The following NUDT9 variants were observed in gnomAD, a reference collection of about 807,000 sequenced individuals.
The protein encoded by NUDT9 is ADP-ribose pyrophosphatase.
In NUDT9, 31 loss-of-function variants were observed where a neutral mutation model predicts 41.0. The ratio of observed to expected loss-of-function variants is 0.76; its 90% CI spans 0.57 to 1.02. The LOEUF is 1.02. Ranked by LOEUF, NUDT9 falls within the 50% of genes least tolerant of loss-of-function variation. The probability of loss-of-function intolerance (pLI) is 0.00; values close to 1 mark genes in which losing one functional copy is unlikely to be tolerated. For synonymous variants in NUDT9, 146 were observed against 147.6 expected (o/e 0.99, Z 0.08); for missense variants, 380 against 431.4 (o/e 0.88, Z 1.06).
intron 5 of NUDT9, among the ~76,000 whole-genome samples, chr4:87,450,524 G>A (rs182418050): frequency 3.8e-4 from 57 of 151,174 alleles, no homozygotes; most frequent in Admixed American, 4.6e-4. Flanking sequence ...GATTATAGGC[G>A]ACCACCACCA....
chr4:87,429,780 C>T (rs932969660), intron 1 of NUDT9, among the ~76,000 whole-genome samples: 1 of 147,598 alleles, frequency 6.8e-6, no homozygotes, highest in Non-Finnish European at 1.5e-5. Context: ...CTTTCCTTTT[C>T]GTTCTCCTTC....
At position 87,422,791 on chromosome 4, in the gene NUDT9, C is replaced by A; in HGVS notation, c.-115C>A. On this transcript the variant is annotated 5_prime_UTR_variant, in exon 1 of 8. Transcript: ENST00000302174. ...TCCCGTTCGGGAACCCAACGGCAGACAGGTCCTAGTGCCCATCAGATACCC... is the reference window on the plus strand; with the variant it reads ...TCCCGTTCGGGAACCCAACGGCAGAAAGGTCCTAGTGCCCATCAGATACCC... 1 of 685,830 alleles carries A rather than the reference C, an allele frequency of 1.5e-6. No homozygotes were observed. Among genetic ancestry groups the A allele is most frequent in the Non-Finnish European group, 2.5e-6 (1 of 403,618 alleles). The allele number at this position is 685,830 out of a possible 1,614,324, so 42.5% of individuals were successfully genotyped here. A position where few individuals can be genotyped will look rare whatever the true frequency, so the allele number is the denominator to read the frequency against.
chr4:87,454,401 AAC>A lies in NUDT9; in HGVS notation c.823_824del (p.Thr275Ter). Reference sequence around the variant, plus strand: ...TAAGGGATATGTTGATGATCCTCGAAACACTGATAATGCATGGATGGAGACAG... The same window carrying A: ...TAAGGGATATGTTGATGATCCTCGAAACTGATAATGCATGGATGGAGACAG... ...IYKGYVDDPR[N>X]TDNAWMETEA... On this transcript the variant is annotated frameshift_variant, in exon 7 of 8. Transcript: ENST00000302174. LOFTEE classifies it high-confidence loss of function. 6.2e-7 allele frequency: 1 copy of A among 1,612,522 alleles called. No individual in the cohort carries two copies.
intron 4 of NUDT9, among the ~76,000 whole-genome samples, chr4:87,442,936 A>T (rs550867527): frequency 6.6e-6 from 1 of 152,206 alleles, no homozygotes; most frequent in Non-Finnish European, 1.5e-5. Flanking sequence ...AACTTTTTTT[A>T]TAAGTAGAAG....
chr4:87,422,918 C>G lies in NUDT9; in HGVS notation c.13C>G (p.Leu5Val). The change falls in exon 1 of 8, where the codon CTC becomes GTC. Residue 5 changes from leucine (L) to valine (V), a missense_variant. Physicochemically the swap from Leu to Val is conservative, Grantham distance 32 (BLOSUM62 1). Transcript: ENST00000302174. The stretch of plus-strand genomic sequence containing the variant: ...CCTCGGGGCGCTCATGGCGGGACGC[C>G]TCCTGGGAAAGGCTTTAGCCGCGGT... MAGR[L>V]LGKALAAVSL... 1 of 1,610,972 alleles carries G rather than the reference C, an allele frequency of 6.2e-7. No homozygotes were observed. The highest frequency in any genetic ancestry group is 8.5e-7 in the Non-Finnish European group (1 of 1,179,676).
rs1363767366 is a variant in NUDT9 at position 87,441,821 on chromosome 4, T to C, written c.444-8T>C. 1 of 1,611,526 alleles carries C rather than the reference T, an allele frequency of 6.2e-7. No individual in the cohort carries two copies. Among genetic ancestry groups the C allele is most frequent in the Non-Finnish European group, 8.5e-7 (1 of 1,178,604 alleles). ...TCAATTGATTTTATGCTTTTTTTGT[T>C]TTTCCAGAAATCCTGCAGGACGGAC... On this transcript the variant is annotated splice_polypyrimidine_tract_variant and splice_region_variant and intron_variant, in intron 3 of 7. Transcript: ENST00000302174.
chr4:87,436,410 A>G (rs1721937815), intron 2 of NUDT9, among the ~76,000 whole-genome samples: 1 of 152,174 alleles, frequency 6.6e-6, no homozygotes. Flanking sequence ...TCCTGGGCTC[A>G]AGTGATCCTC....
chr4:87,453,611 G>C (rs148332014), intron 6 of NUDT9, among the ~76,000 whole-genome samples: 1 of 151,724 alleles, frequency 6.6e-6, no homozygotes, highest in Non-Finnish European at 1.5e-5. Flanking sequence ...TGTGTTTTTA[G>C]TAGAGACGAG....
intron 3 of NUDT9, among the ~76,000 whole-genome samples, chr4:87,440,119 T>C (rs1406141561): frequency 1.3e-5 from 2 of 152,196 alleles, no homozygotes; most frequent in Admixed American, 6.5e-5. Flanking sequence ...TAGATACAAT[T>C]ATAAAAATAT....
intron 1 of NUDT9, among the ~76,000 whole-genome samples, chr4:87,428,131 C>T (rs1373050036): frequency 6.6e-6 from 1 of 152,144 alleles, no homozygotes; most frequent in Admixed American, 6.5e-5. Flanking sequence ...ATATTAACTT[C>T]TTTATTAGTT....
chr4:87,434,921 G>C, intron 1 of NUDT9, 60 bp from the exon 2 acceptor site: 1 of 1,477,356 alleles, frequency 6.8e-7, no homozygotes, highest in Non-Finnish European at 9.2e-7. Flanking sequence ...ACCCGGCCTA[G>C]GTTCTTTAAT....
chr4:87,437,106 T>A (rs1721969703), intron 2 of NUDT9, among the ~76,000 whole-genome samples: 1 of 151,688 alleles, frequency 6.6e-6, no homozygotes, highest in African/African-American at 2.4e-5. Flanking sequence ...AAAAATTAGC[T>A]GGGTATAGTG....
rs1560792110 is a variant in NUDT9, at chr4:87,438,320, G to GT, written c.393dup (p.Glu132Ter). On this transcript the variant is annotated frameshift_variant, in exon 3 of 8. Coordinates refer to ENST00000302174, the MANE Select transcript of NUDT9 (RefSeq NM_024047.5). LOFTEE classifies it high-confidence loss of function. Reference sequence around the variant, plus strand: ...CAAGTTTAACGAAAAGGATGGGCATGTTGAGAGAAAGAGCAAGAATGGCCT... The same window carrying GT: ...CAAGTTTAACGAAAAGGATGGGCATGTTTGAGAGAAAGAGCAAGAATGGCCT... 1.2e-6 allele frequency: 2 copies of GT among 1,611,850 alleles called. No homozygotes were observed. The highest frequency in any genetic ancestry group is 1.7e-5 in the Admixed American group (1 of 59,988).
intron 4 of NUDT9, among the ~76,000 whole-genome samples, chr4:87,446,526 C>T (rs773090660): frequency 6.6e-6 from 1 of 152,122 alleles, no homozygotes; most frequent in East Asian, 1.9e-4. Context: ...GGCCACTGCT[C>T]CTGGCCGTCT....
chr4:87,425,949 G>T (rs1039988360), intron 1 of NUDT9, among the ~76,000 whole-genome samples: 5 of 151,696 alleles, frequency 3.3e-5, no homozygotes, highest in African/African-American at 4.8e-5. Flanking sequence ...TGGTACTACC[G>T]GTGCGCACTA....
chr4:87,440,239 A>G (rs1293848474), intron 3 of NUDT9, among the ~76,000 whole-genome samples: 1 of 152,216 alleles, frequency 6.6e-6, no homozygotes, highest in African/African-American at 2.4e-5. Context: ...GCAAAAGTAA[A>G]ATTTATTTTA....
chr4:87,451,558 C>G (rs200313563), intron 5 of NUDT9, 31 bp from the exon 6 acceptor site: 19 of 1,590,936 alleles, frequency 1.2e-5, no homozygotes, highest in Non-Finnish European at 1.5e-5. Flanking sequence ...AAGCTGATCC[C>G]TTTTTTCAAA....
At position 87,422,870 on chromosome 4, in the gene NUDT9, G is replaced by A. The variant is rs1447048402; in HGVS notation, c.-36G>A. ...GGGGAGGCGGAGGCACCAACTAAGA[G>A]CGACCTAGCATCGCAAAGCCGCCCT... On this transcript the variant is annotated 5_prime_UTR_variant, in exon 1 of 8. Transcript: ENST00000302174. The A allele has an allele frequency of 6.4e-7, 1 of 1,563,860 alleles. No homozygotes were observed. The highest frequency in any genetic ancestry group is 1.7e-4 in the Middle Eastern group (1 of 5,750).
intron 3 of NUDT9, 91 bp downstream of exon 3, chr4:87,438,463 ATGT>A: frequency 1.5e-6 from 1 of 673,486 alleles, no homozygotes. Context: ...TATGTGCCAG[ATGT>A]TGTACAAATT....
Sources: gnomAD v4.1 joint callset for allele counts (sites outside exome capture counted in the v4.1 genomes callset) on GRCh38, gnomAD v4.1.1 for gene constraint, MANE v1.5 for transcripts, NCBI Gene and HGNC (gene_info 2026-07-23, HGNC 2026-07-21) for gene names.